The following ARHGEF4 variants were observed in gnomAD, a reference collection of about 807,000 sequenced individuals.
ARHGEF4 encodes APC-stimulated guanine nucleotide exchange factor 1.
ARHGEF4 carries 119 observed loss-of-function variants against 162.0 expected under a neutral mutation model. The observed-to-expected ratio is 0.73, with a 90% CI of 0.63 to 0.86. The LOEUF is 0.86. ARHGEF4 is among the 40% of genes least tolerant of loss of function. The probability of loss-of-function intolerance (pLI) is 0.00; values close to 1 mark genes in which losing one functional copy is unlikely to be tolerated. For missense variants in ARHGEF4, 2,488 were observed against 2,456.0 expected, an observed-to-expected ratio of 1.01 and a Z score of -0.28; for synonymous variants, 1,014 against 979.9, an observed-to-expected ratio of 1.03 and a Z score of -0.65.
At chr2:130,920,397 A>G (rs568630228) in intron 2 of ARHGEF4, among the ~76,000 whole-genome samples, 1 of 152,348 alleles carries the variant, frequency 6.6e-6, no homozygotes, top group African/African-American at 2.4e-5. Flanking sequence ...CCAGGCATGA[A>G]GCGGGTGCCA....
Position 131,045,990 on chromosome 2 carries a change from C to A in ARHGEF4, c.5480-48C>A, listed in dbSNP as rs1467310340. 4 of 1,572,448 alleles carry A rather than the reference C, an allele frequency of 2.5e-6. No individual in the cohort carries two copies. The African/African-American group carries it at 5.4e-5, about 21-fold the overall frequency. ...ATGCTGTCCCCAACAGCTGGGGTGG[C>A]ACTCTGCCCTGGGCACCCATGACCC... On this transcript the variant is annotated intron_variant, in intron 13 of 13. Coordinates refer to ENST00000409359, the MANE Select transcript of ARHGEF4 (RefSeq NM_001367493.1).
chr2:130,864,765 A>G (rs1027870219), intron 1 of ARHGEF4, among the ~76,000 whole-genome samples: 1 of 152,230 alleles, frequency 6.6e-6, no homozygotes, highest in Non-Finnish European at 1.5e-5. Context: ...GTATTAGTAC[A>G]AACATGTTCT....
At position 131,021,204 on chromosome 2, in the gene ARHGEF4, G is replaced by A. The variant is rs1282973002; in HGVS notation, c.3986-6741G>A. Among the ~76,000 whole-genome samples the A allele has an allele frequency of 6.6e-5, 10 of 152,258 alleles. No homozygotes were observed. The South Asian group carries it at 8.3e-4, about 13-fold the overall frequency. On this transcript the variant is annotated intron_variant, in intron 4 of 13. Transcript: ENST00000409359. ...CTAAGCCAAAAGAACAAAGCAGGAG[G>A]CATCATGCTACCTGACTTCAAACTA...
At chr2:131,012,307 G>A (rs1292918422) in intron 4 of ARHGEF4, among the ~76,000 whole-genome samples, 1 of 152,144 alleles carries the variant, frequency 6.6e-6, no homozygotes, top group Non-Finnish European at 1.5e-5. Context: ...TCTCAGCAGA[G>A]GGGCCTAGGA....
Position 130,917,178 on chromosome 2 carries a change from C to A in ARHGEF4, c.3232C>A (p.Leu1078Met), listed in dbSNP as rs775435889. ...CCTGCCTTCCAGCTCTGCCTGCTGC[C>A]TGGCATATGAAAACCCCGGGACGCC... ...HTLPSSSACC[L>M]AYENPGTPCR... Residue 1078 changes from leucine to methionine, a missense_variant, in exon 2 of 14, where the codon CTG becomes ATG. Around this residue, in one of 6 missense-constraint regions of ARHGEF4, gnomAD observed 1,642 missense variants for 1,481.5 expected, o/e 1.11. Coordinates refer to ENST00000409359, the MANE Select transcript of ARHGEF4 (RefSeq NM_001367493.1). 1 of 1,550,458 alleles carries A rather than the reference C, an allele frequency of 6.4e-7. No individual in the cohort carries two copies. Among genetic ancestry groups the A allele is most frequent in the Non-Finnish European group, 8.7e-7 (1 of 1,147,010 alleles).
At chr2:130,884,772 G>GGCCA (rs1679406737) in intron 1 of ARHGEF4, among the ~76,000 whole-genome samples, 1 of 152,186 alleles carries the variant, frequency 6.6e-6, no homozygotes, top group Non-Finnish European at 1.5e-5. Context: ...TTGTTTCCAG[G>GGCCA]GCCAGCAGAA....
intron 8 of ARHGEF4, 103 bp downstream of exon 8, chr2:131,040,543 C>T: frequency 3.2e-5 from 42 of 1,306,226 alleles, no homozygotes; most frequent in Non-Finnish European, 4.3e-5. Context: ...CCTTCCACAA[C>T]GCCTGGGCCC....
chr2:130,946,457 G>A (rs1683624052), intron 3 of ARHGEF4, 52 bp from the exon 4 acceptor site: 2 of 1,566,182 alleles, frequency 1.3e-6, no homozygotes, highest in Non-Finnish European at 8.7e-7. Flanking sequence ...GGCAATGACA[G>A]CCTGTCATTT....
intron 1 of ARHGEF4, among the ~76,000 whole-genome samples, chr2:130,856,813 G>A (rs1681821688): frequency 6.6e-6 from 1 of 151,570 alleles, no homozygotes; most frequent in African/African-American, 2.4e-5. Context: ...TAAAAAAAAA[G>A]AAATGTAATA....
intron 1 of ARHGEF4, among the ~76,000 whole-genome samples, chr2:130,873,300 A>G (rs1403903523): frequency 6.6e-6 from 1 of 152,202 alleles, no homozygotes; most frequent in East Asian, 1.9e-4. Context: ...TTATGAAGGA[A>G]GAAAATAGGC....
intron 4 of ARHGEF4, among the ~76,000 whole-genome samples, chr2:130,953,379 T>C (rs887482466): frequency 6.6e-5 from 10 of 151,928 alleles, no homozygotes; most frequent in African/African-American, 2.4e-4. Context: ...ACTGGATCCT[T>C]TCCTTGCACC....
chr2:131,045,781 C>T, intron 13 of ARHGEF4: 1 of 1,426,372 alleles, frequency 7.0e-7, no homozygotes, highest in Middle Eastern at 2.6e-4. Flanking sequence ...GAGCCATGCC[C>T]CTGAAACATC....
intron 4 of ARHGEF4, among the ~76,000 whole-genome samples, chr2:131,011,521 A>G (rs1688448547): frequency 6.6e-6 from 1 of 152,208 alleles, no homozygotes; most frequent in Non-Finnish European, 1.5e-5. Flanking sequence ...TTTAGGACTT[A>G]AGCTCCCGTG....
chr2:130,893,328 C>T (rs62177043), intron 1 of ARHGEF4, among the ~76,000 whole-genome samples: 17,830 of 152,158 alleles, frequency 0.12, 2,205 homozygotes, highest in African/African-American at 0.31. Flanking sequence ...TTGTCTGAGC[C>T]CCGTCCTGTG....
chr2:130,990,541 T>C (rs1345214123), intron 4 of ARHGEF4, among the ~76,000 whole-genome samples: 3 of 152,186 alleles, frequency 2.0e-5, no homozygotes, highest in Non-Finnish European at 4.4e-5. Context: ...TATAAAACCC[T>C]AGTTATGCTG....
At chr2:130,849,052 C>T (rs1264213177) in intron 1 of ARHGEF4, among the ~76,000 whole-genome samples, 1 of 152,138 alleles carries the variant, frequency 6.6e-6, no homozygotes, top group Non-Finnish European at 1.5e-5. Flanking sequence ...GGGGACTCCC[C>T]TGCTGCCCCC....
At chr2:130,882,347 AT>A (rs1162002673) in intron 1 of ARHGEF4, among the ~76,000 whole-genome samples, 1 of 152,044 alleles carries the variant, frequency 6.6e-6, no homozygotes, top group Non-Finnish European at 1.5e-5. Flanking sequence ...CACAGCAGAC[AT>A]CTATTTCCCC....
At chr2:130,906,725 A>G (rs1262077896) in intron 1 of ARHGEF4, among the ~76,000 whole-genome samples, 2 of 152,218 alleles carry the variant, frequency 1.3e-5, no homozygotes, top group Non-Finnish European at 2.9e-5. Context: ...TTAGCCTCTC[A>G]GTATCCAGTC....
At chr2:130,910,110 C>T (rs985426993) in intron 1 of ARHGEF4, among the ~76,000 whole-genome samples, 4 of 151,892 alleles carry the variant, frequency 2.6e-5, no homozygotes, top group African/African-American at 7.3e-5. Flanking sequence ...ATGTAGGTGA[C>T]GGGTTGATGG....
Sources: gnomAD v4.1 joint callset for allele counts (sites outside exome capture counted in the v4.1 genomes callset) on GRCh38, gnomAD v4.1.1 for gene constraint, gnomAD v4.1.1 regional missense constraint, MANE v1.5 for transcripts, NCBI Gene and HGNC (gene_info 2026-07-23, HGNC 2026-07-21) for gene names.